The following MAN1A2 variants were observed in gnomAD, a reference collection of about 807,000 sequenced individuals.
MAN1A2 encodes the protein mannosyl-oligosaccharide 1,2-alpha-mannosidase IB.
A neutral mutation model predicts 75.7 loss-of-function variants in MAN1A2; 26 were observed. That is an observed-to-expected ratio of 0.34 (90% CI 0.25 to 0.48). The LOEUF is 0.48. Ranked by LOEUF, MAN1A2 falls within the 20% of genes least tolerant of loss-of-function variation. MAN1A2 has a pLI of 0.99. For missense variants in MAN1A2, 562 were observed against 775.5 expected (o/e 0.72, Z 3.27); for synonymous variants, 247 against 264.6 (o/e 0.93, Z 0.65).
intron 7 of MAN1A2, 113 bp downstream of exon 7, chr1:117,460,725 G>A: frequency 8.1e-7 from 1 of 1,239,262 alleles, no homozygotes; most frequent in Non-Finnish European, 1.1e-6. Flanking sequence ...GTTTATTAGG[G>A]CTGTAGCCTT....
chr1:117,458,668 G>A (rs1385602411), intron 6 of MAN1A2, among the ~76,000 whole-genome samples: 7 of 151,094 alleles, frequency 4.6e-5, no homozygotes, highest in East Asian at 1.9e-4. Context: ...GGATTACGGC[G>A]CCTGCCACCA....
chr1:117,419,381 A>C (rs1648114612), intron 4 of MAN1A2, among the ~76,000 whole-genome samples: 1 of 152,048 alleles, frequency 6.6e-6, no homozygotes, highest in Non-Finnish European at 1.5e-5. Context: ...CTTCCTCCTC[A>C]TATTTAGTCA....
chr1:117,412,651 TATG>T (rs889477353), intron 3 of MAN1A2, among the ~76,000 whole-genome samples: 16 of 151,916 alleles, frequency 1.1e-4, no homozygotes, highest in African/African-American at 3.9e-4. Context: ...ACTAAATTTT[TATG>T]ATGTTTTATA....
chr1:117,521,363 T>C (rs1186728741), intron 12 of MAN1A2, among the ~76,000 whole-genome samples: 1 of 151,256 alleles, frequency 6.6e-6, no homozygotes, highest in East Asian at 1.9e-4. Flanking sequence ...GTCAGCAGAG[T>C]GAACAGACAA....
At chr1:117,498,787 G>T (rs1651109501) in intron 10 of MAN1A2, among the ~76,000 whole-genome samples, 1 of 151,670 alleles carries the variant, frequency 6.6e-6, no homozygotes, top group Non-Finnish European at 1.5e-5. Flanking sequence ...TTTCCAGCAG[G>T]TTATTATATC....
chr1:117,398,203 A>G (rs373386558), intron 1 of MAN1A2, among the ~76,000 whole-genome samples: 2 of 152,196 alleles, frequency 1.3e-5, no homozygotes, highest in Non-Finnish European at 2.9e-5. Context: ...GTTAAGTACT[A>G]TGAAGGAAAG....
chr1:117,449,149 CCTT>C (rs1329995907), intron 6 of MAN1A2, among the ~76,000 whole-genome samples: 1 of 152,136 alleles, frequency 6.6e-6, no homozygotes, highest in Non-Finnish European at 1.5e-5. Flanking sequence ...CCTTCTCTCT[CCTT>C]CTCCTTGGGC....
In MAN1A2 at chr1:117,367,962, C is replaced by T. The variant is rs939460657; in HGVS notation, c.-222C>T. On this transcript the variant is annotated 5_prime_UTR_variant, in exon 1 of 13. Transcript: ENST00000356554. ...GAAGTACAGATGTTGAAGAGGATATCGCAGGACCTAAACTTGTGATCGTTT... is the reference window on the plus strand; with the variant it reads ...GAAGTACAGATGTTGAAGAGGATATTGCAGGACCTAAACTTGTGATCGTTT... The T allele has an allele frequency of 2.8e-5, 15 of 542,524 alleles. No individual in the cohort carries two copies. Among genetic ancestry groups the T allele is most frequent in the African/African-American group, 2.3e-4 (12 of 52,588 alleles). 33.6% of individuals were successfully genotyped at this position (542,524 alleles called of 1,614,324 possible). A position where few individuals can be genotyped will look rare whatever the true frequency, so the allele number is the denominator to read the frequency against.
chr1:117,406,964 A>C (rs1647636672), intron 3 of MAN1A2, among the ~76,000 whole-genome samples: 2 of 152,104 alleles, frequency 1.3e-5, no homozygotes, highest in Admixed American at 6.5e-5. Context: ...CAGAACATCT[A>C]ATGTATTAAT....
chr1:117,511,675 T>C (rs537201203), intron 12 of MAN1A2, among the ~76,000 whole-genome samples: 2 of 152,120 alleles, frequency 1.3e-5, no homozygotes, highest in South Asian at 2.1e-4. Context: ...CTCTGATCCC[T>C]CTTTAGTTTT....
At chr1:117,461,255 A>G (rs543819054) in intron 7 of MAN1A2, among the ~76,000 whole-genome samples, 1 of 152,310 alleles carries the variant, frequency 6.6e-6, no homozygotes, top group South Asian at 2.1e-4. Context: ...AGCAATATGG[A>G]TGGAACTGCT....
chr1:117,434,043 T>C (rs1300007693), intron 5 of MAN1A2, among the ~76,000 whole-genome samples: 1 of 152,212 alleles, frequency 6.6e-6, no homozygotes. Context: ...ACAGTTTCCA[T>C]AGAAAGTAGA....
At chr1:117,431,051 C>T (rs1032947056) in intron 5 of MAN1A2, among the ~76,000 whole-genome samples, 1 of 137,414 alleles carries the variant, frequency 7.3e-6, no homozygotes, top group African/African-American at 2.7e-5. Context: ...CCACCAAAAC[C>T]AGTCAGGCGT....
At chr1:117,407,242 G>C (rs1647645712) in intron 3 of MAN1A2, among the ~76,000 whole-genome samples, 1 of 151,990 alleles carries the variant, frequency 6.6e-6, no homozygotes, top group Non-Finnish European at 1.5e-5. Flanking sequence ...ATTATGTTTT[G>C]TCTTATGTTT....
chr1:117,378,702 T>G (rs1653236766), intron 1 of MAN1A2, among the ~76,000 whole-genome samples: 1 of 152,210 alleles, frequency 6.6e-6, no homozygotes, highest in Non-Finnish European at 1.5e-5. Context: ...TCCACCTGCA[T>G]CTTAACAAAC....
intron 1 of MAN1A2, among the ~76,000 whole-genome samples, chr1:117,369,911 A>G (rs1225160318): frequency 6.6e-6 from 1 of 152,236 alleles, no homozygotes; most frequent in East Asian, 1.9e-4. Context: ...GCTGTTTCAC[A>G]ACAGCCACAC....
chr1:117,479,927 G>T (rs377119911), intron 8 of MAN1A2, among the ~76,000 whole-genome samples: 2 of 151,912 alleles, frequency 1.3e-5, no homozygotes, highest in African/African-American at 2.4e-5. Context: ...TTGCTTTTAG[G>T]ATTTTTTAGG....
At chr1:117,399,126 A>G (rs969413617) in intron 1 of MAN1A2, among the ~76,000 whole-genome samples, 22 of 152,264 alleles carry the variant, frequency 1.4e-4, no homozygotes, top group African/African-American at 5.3e-4. Context: ...GGGCTTTTAA[A>G]ATGCCCATGT....
chr1:117,413,296 A>C (rs779260054), intron 3 of MAN1A2, among the ~76,000 whole-genome samples: 8 of 152,008 alleles, frequency 5.3e-5, no homozygotes, highest in African/African-American at 1.7e-4. Context: ...ATTATTAGGA[A>C]CACATGAACA....
Sources: gnomAD v4.1 joint callset for allele counts (sites outside exome capture counted in the v4.1 genomes callset) on GRCh38, gnomAD v4.1.1 for gene constraint, MANE v1.5 for transcripts, NCBI Gene and HGNC (gene_info 2026-07-23, HGNC 2026-07-21) for gene names.